BTBD9: variants seen among roughly 807,000 people sequenced by gnomAD.
BTBD9 encodes BTB domain containing 9.
Under a neutral mutation model 64.3 loss-of-function variants are expected in BTBD9, and 49 were observed. The ratio of observed to expected loss-of-function variants is 0.76; its 90% CI spans 0.61 to 0.97. The LOEUF (loss-of-function observed/expected upper bound fraction) is 0.97. BTBD9 is among the 50% of genes least tolerant of loss of function. The pLI, the probability that BTBD9 is intolerant of heterozygous loss-of-function variation, is 0.00. For synonymous variants in BTBD9, 260 were observed against 274.7 expected (o/e 0.95, Z 0.53); for missense variants, 598 against 762.1 (o/e 0.78, Z 2.53).
intron 4 of BTBD9, chr6:38,587,640 T>A (rs749669733): frequency 3.8e-5 from 23 of 600,758 alleles, no homozygotes; most frequent in Non-Finnish European, 7.3e-5. Flanking sequence ...AGGTGAAATA[T>A]CTCTGTCGAG....
chr6:38,349,125 C>T (rs777170254), intron 6 of BTBD9, among the ~76,000 whole-genome samples: 2 of 152,200 alleles, frequency 1.3e-5, no homozygotes, highest in East Asian at 3.9e-4. Flanking sequence ...TGGGCTGAAA[C>T]GATTCACCTG....
chr6:38,560,126 TA>T (rs1393502166), intron 6 of BTBD9, among the ~76,000 whole-genome samples: 1 of 152,018 alleles, frequency 6.6e-6, no homozygotes, highest in Non-Finnish European at 1.5e-5. Flanking sequence ...ATCAACAGAA[TA>T]AACAACCCAC....
At chr6:38,494,384 G>A (rs1771848538) in intron 6 of BTBD9, among the ~76,000 whole-genome samples, 5 of 152,268 alleles carry the variant, frequency 3.3e-5, no homozygotes, top group Admixed American at 1.3e-4. Flanking sequence ...AAGTAAAAAA[G>A]AAATCAAAGC....
intron 7 of BTBD9, among the ~76,000 whole-genome samples, chr6:38,341,374 T>C (rs1764091107): frequency 6.7e-6 from 1 of 149,882 alleles, no homozygotes; most frequent in Non-Finnish European, 1.5e-5. Context: ...GGTGAAATGA[T>C]AAAATGTCCG....
chr6:38,555,937 T>C (rs1460976486), intron 6 of BTBD9, among the ~76,000 whole-genome samples: 1 of 152,224 alleles, frequency 6.6e-6, no homozygotes, highest in African/African-American at 2.4e-5. Flanking sequence ...ACACTATAAC[T>C]AATGGGATGG....
intron 6 of BTBD9, among the ~76,000 whole-genome samples, chr6:38,555,224 T>C (rs1562333696): frequency 6.6e-6 from 1 of 152,206 alleles, no homozygotes; most frequent in Non-Finnish European, 1.5e-5. Context: ...TAAGGATGAC[T>C]CACCCCATCT....
At chr6:38,632,513 T>C (rs1778396571) in intron 1 of BTBD9, among the ~76,000 whole-genome samples, 2 of 152,224 alleles carry the variant, frequency 1.3e-5, no homozygotes, top group African/African-American at 4.8e-5. Flanking sequence ...AAACATTGTT[T>C]GGGGTGAAGT....
At chr6:38,300,583 T>C (rs1412458075) in intron 7 of BTBD9, among the ~76,000 whole-genome samples, 1 of 152,168 alleles carries the variant, frequency 6.6e-6, no homozygotes, top group African/African-American at 2.4e-5. Flanking sequence ...ACATCCCTTG[T>C]AAGTTGGATT....
chr6:38,247,213 T>C (rs774202288), intron 9 of BTBD9, among the ~76,000 whole-genome samples: 8 of 152,196 alleles, frequency 5.3e-5, no homozygotes, highest in Non-Finnish European at 7.3e-5. Flanking sequence ...GTACCATTTT[T>C]CAATCTTGCT....
At chr6:38,243,230 T>C (rs9357267) in intron 9 of BTBD9, among the ~76,000 whole-genome samples, 16,262 of 152,248 alleles carry the variant, frequency 0.11, 1,276 homozygotes, top group East Asian at 0.45. Context: ...GTCAGAGAGA[T>C]ATGGTAATTT....
At chr6:38,334,691 G>A (rs1763825526) in intron 7 of BTBD9, among the ~76,000 whole-genome samples, 1 of 151,316 alleles carries the variant, frequency 6.6e-6, no homozygotes, top group Non-Finnish European at 1.5e-5. Context: ...AAAACAAGCT[G>A]TACGCATTTA....
intron 6 of BTBD9, among the ~76,000 whole-genome samples, chr6:38,509,363 C>T (rs1299394485): frequency 6.6e-6 from 1 of 152,166 alleles, no homozygotes. Flanking sequence ...TTTGCATCAA[C>T]TATAAGTAAA....
intron 4 of BTBD9, among the ~76,000 whole-genome samples, chr6:38,589,948 T>C (rs1776720160): frequency 6.6e-6 from 1 of 152,200 alleles, no homozygotes; most frequent in South Asian, 2.1e-4. Context: ...CAGACTTTGT[T>C]TTTTACTTCT....
At chr6:38,194,247 C>T (rs1392377522) in intron 9 of BTBD9, among the ~76,000 whole-genome samples, 2 of 152,176 alleles carry the variant, frequency 1.3e-5, no homozygotes, top group South Asian at 2.1e-4. Context: ...GTCCTTCCTC[C>T]AGCAGGTGAG....
intron 6 of BTBD9, among the ~76,000 whole-genome samples, chr6:38,440,727 T>C (rs1490176915): frequency 6.6e-6 from 1 of 152,246 alleles, no homozygotes; most frequent in African/African-American, 2.4e-5. Context: ...CATATTTTAA[T>C]GTGTTGAATG....
chr6:38,188,771 A>C (rs907667305), intron 10 of BTBD9, among the ~76,000 whole-genome samples: 2 of 152,204 alleles, frequency 1.3e-5, no homozygotes, highest in South Asian at 2.1e-4. Context: ...GAGGTCATGA[A>C]GGTGAAACCC....
Position 38,205,890 on chromosome 6 carries a change from AAGAAAG to A in BTBD9, c.1563-13299_1563-13294del, listed in dbSNP as rs1171490724. On this transcript the variant is annotated intron_variant, in intron 9 of 10. Transcript: ENST00000481247. ...GCAGGAGTCTGTCTCAAAAAAAAAAAAGAAAGAAAGAAAGAAAGGAAGTTATGGGAT... is the reference window on the plus strand; with the variant it reads ...GCAGGAGTCTGTCTCAAAAAAAAAAAAAAGAAAGAAAGGAAGTTATGGGAT... 2.8e-5 allele frequency among the ~76,000 whole-genome samples: 4 copies of A among 143,886 alleles called. 1 individual carries two copies. Among genetic ancestry groups the A allele is most frequent in the Non-Finnish European group, 4.6e-5 (3 of 65,612 alleles). 94.4% of individuals were successfully genotyped at this position (143,886 alleles called of 152,430 possible).
intron 6 of BTBD9, among the ~76,000 whole-genome samples, chr6:38,450,598 G>C (rs879922284): frequency 6.6e-6 from 1 of 152,162 alleles, no homozygotes. Flanking sequence ...TCAGGCAACA[G>C]GGAGACAACT....
At chr6:38,571,963 CAA>C (rs1775791600) in intron 6 of BTBD9, among the ~76,000 whole-genome samples, 3 of 142,606 alleles carry the variant, frequency 2.1e-5, no homozygotes, top group Non-Finnish European at 3.1e-5. Context: ...ATCTAAAAAA[CAA>C]AGAAACAATC....
Sources: allele counts gnomAD v4.1 joint callset (sites outside exome capture counted in the v4.1 genomes callset), GRCh38; gene constraint gnomAD v4.1.1; transcripts MANE v1.5; gene names NCBI Gene and HGNC (gene_info 2026-07-23, HGNC 2026-07-21).